Variants in NRXN3 observed in about 807,000 individuals in gnomAD.
NRXN3 encodes neurexin III.
Under a neutral mutation model 137.6 loss-of-function variants are expected in NRXN3, and 32 were observed. That is an observed-to-expected ratio of 0.23 (90% CI 0.18 to 0.31). NRXN3 has a LOEUF of 0.31. Among genes scored for constraint, NRXN3 ranks in the 10% least tolerant of loss-of-function variants. The pLI is 1.00. For missense variants in NRXN3, 1,574 were observed against 2,062.5 expected (o/e 0.76, Z 4.59); for synonymous variants, 798 against 784.5 (o/e 1.02, Z -0.29).
intron 15 of NRXN3, among the ~76,000 whole-genome samples, chr14:79,120,672 T>A (rs2055254002): frequency 6.6e-6 from 1 of 152,118 alleles, no homozygotes; most frequent in Non-Finnish European, 1.5e-5. Flanking sequence ...CTTTTTAAAT[T>A]TTTTATATTA....
Position 78,714,723 on chromosome 14 carries a change from C to A in NRXN3, c.1661-33C>A, listed in dbSNP as rs559000268. 7 of 1,599,244 alleles carry A rather than the reference C, an allele frequency of 4.4e-6. No individual in the cohort carries two copies. The African/African-American group carries it at 9.4e-5, about 21-fold the overall frequency. ...TTCTTACATTTGGTTAAGCAACTGG[C>A]AGACTCACCTGAGATCTGTCTTCCC... On this transcript the variant is annotated intron_variant, in intron 7 of 20. Coordinates refer to ENST00000335750, the MANE Select transcript of NRXN3 (RefSeq NM_001330195.2).
rs893677068 is a variant in NRXN3, at chr14:79,308,213, A to G, written c.3263-159008A>G. Among the ~76,000 whole-genome samples, 5 of 152,150 alleles carry G rather than the reference A, an allele frequency of 3.3e-5. No individual in the cohort carries two copies. The South Asian group carries it at 1.0e-3, about 32-fold the overall frequency. Reference sequence around the variant, plus strand: ...CTTCAACATATGAATGTTGAAATGAAGTAATTTGGCTCATAATACCATCTT... The same window carrying G: ...CTTCAACATATGAATGTTGAAATGAGGTAATTTGGCTCATAATACCATCTT... On this transcript the variant is annotated intron_variant, in intron 15 of 20. Transcript: ENST00000335750.
At chr14:78,326,945 C>A (rs953078634) in intron 4 of NRXN3, among the ~76,000 whole-genome samples, 1 of 147,020 alleles carries the variant, frequency 6.8e-6, no homozygotes, top group African/African-American at 2.5e-5. Flanking sequence ...AAAAAAAAAT[C>A]TCTCTGTTCC....
chr14:79,817,373 G>A (rs1007956045), intron 20 of NRXN3, among the ~76,000 whole-genome samples: 5 of 152,024 alleles, frequency 3.3e-5, no homozygotes, highest in Non-Finnish European at 5.9e-5. Context: ...GTAAACTTTC[G>A]ATGGCAGCAT....
chr14:79,590,171 G>A (rs2153820191), intron 16 of NRXN3, among the ~76,000 whole-genome samples: 1 of 152,140 alleles, frequency 6.6e-6, no homozygotes, highest in East Asian at 1.9e-4. Context: ...CACATGTCGT[G>A]GGAGGAACCC....
intron 20 of NRXN3, among the ~76,000 whole-genome samples, chr14:79,848,745 C>T (rs2099385734): frequency 6.6e-6 from 1 of 152,118 alleles, no homozygotes; most frequent in South Asian, 2.1e-4. Context: ...TAGCTGGCCC[C>T]AGATATGGCC....
chr14:79,438,639 G>A (rs1417474712), intron 15 of NRXN3, among the ~76,000 whole-genome samples: 1 of 152,156 alleles, frequency 6.6e-6, no homozygotes, highest in Non-Finnish European at 1.5e-5. Flanking sequence ...TAAGTTTTCT[G>A]CCAGTAACTT....
intron 10 of NRXN3, among the ~76,000 whole-genome samples, chr14:78,907,870 C>T (rs1331272247): frequency 1.3e-5 from 2 of 152,076 alleles, no homozygotes; most frequent in African/African-American, 4.8e-5. Flanking sequence ...TTAACTCCCA[C>T]TTATAAGAGA....
At chr14:78,764,750 G>A (rs1451757399) in intron 8 of NRXN3, among the ~76,000 whole-genome samples, 1 of 152,136 alleles carries the variant, frequency 6.6e-6, no homozygotes, top group African/African-American at 2.4e-5. Flanking sequence ...CTAGGGTTGG[G>A]ATAATGTGAA....
At chr14:78,285,651 C>G (rs1050368051) in intron 3 of NRXN3, among the ~76,000 whole-genome samples, 2 of 152,206 alleles carry the variant, frequency 1.3e-5, no homozygotes, top group African/African-American at 4.8e-5. Flanking sequence ...ATTGCAGGCA[C>G]AGAAAAACAC....
chr14:79,726,634 A>G (rs556702257), intron 19 of NRXN3, among the ~76,000 whole-genome samples: 1 of 152,292 alleles, frequency 6.6e-6, no homozygotes, highest in East Asian at 1.9e-4. Context: ...GGCACCATAC[A>G]GTAAGCTGAG....
At chr14:79,329,170 A>G (rs1332893144) in intron 15 of NRXN3, among the ~76,000 whole-genome samples, 1 of 152,150 alleles carries the variant, frequency 6.6e-6, no homozygotes. Flanking sequence ...GAGACTTTGC[A>G]ATCGCTTTGA....
At chr14:79,450,837 G>A (rs2096157428) in intron 15 of NRXN3, among the ~76,000 whole-genome samples, 1 of 151,682 alleles carries the variant, frequency 6.6e-6, no homozygotes, top group African/African-American at 2.4e-5. Flanking sequence ...CTGCACTCCA[G>A]CCTGGGCAAC....
chr14:78,342,205 T>G (rs1191892618), intron 4 of NRXN3, among the ~76,000 whole-genome samples: 2 of 152,166 alleles, frequency 1.3e-5, no homozygotes, highest in African/African-American at 4.8e-5. Context: ...CAATAATGAT[T>G]TGGTGACAAC....
intron 19 of NRXN3, among the ~76,000 whole-genome samples, chr14:79,804,321 T>C (rs1027193365): frequency 9.2e-5 from 14 of 152,166 alleles, no homozygotes; most frequent in Non-Finnish European, 1.9e-4. Context: ...TCTCACCTAC[T>C]GTATGGAGGG....
At chr14:79,823,114 G>C (rs530162234) in intron 20 of NRXN3, among the ~76,000 whole-genome samples, 32 of 151,396 alleles carry the variant, frequency 2.1e-4, no homozygotes, top group African/African-American at 7.8e-4. Context: ...CCAAAATAAG[G>C]CATGTGATCT....
chr14:79,263,254 C>G (rs768065579), intron 15 of NRXN3, among the ~76,000 whole-genome samples: 10 of 152,126 alleles, frequency 6.6e-5, no homozygotes, highest in Non-Finnish European at 1.2e-4. Context: ...ATATAACAGA[C>G]TAGGCAAATA....
At chr14:78,706,158 C>T (rs1175959533) in intron 6 of NRXN3, among the ~76,000 whole-genome samples, 1 of 152,166 alleles carries the variant, frequency 6.6e-6, no homozygotes, top group Non-Finnish European at 1.5e-5. Flanking sequence ...TATTGTTATA[C>T]ATTAATAATT....
chr14:78,280,138 G>A (rs894239427), intron 3 of NRXN3, among the ~76,000 whole-genome samples: 1 of 152,116 alleles, frequency 6.6e-6, no homozygotes, highest in African/African-American at 2.4e-5. Flanking sequence ...ACTGTTCTAG[G>A]CCATGGGGAC....
Sources: gnomAD v4.1 joint callset for allele counts (sites outside exome capture counted in the v4.1 genomes callset) on GRCh38, gnomAD v4.1.1 for gene constraint, MANE v1.5 for transcripts, NCBI Gene and HGNC (gene_info 2026-07-23, HGNC 2026-07-21) for gene names.